The following PRKX variants were observed in gnomAD, a reference collection of about 807,000 sequenced individuals.
PRKX encodes protein kinase cAMP-dependent X-linked catalytic subunit.
In PRKX, 12 loss-of-function variants were observed where a neutral mutation model predicts 22.0. That is an observed-to-expected ratio of 0.54 (90% confidence interval 0.35 to 0.88). PRKX has a LOEUF of 0.88. PRKX is among the 40% of genes least tolerant of loss of function. The pLI is 0.01. For missense variants in PRKX, 217 were observed against 308.0 expected, an observed-to-expected ratio of 0.70 and a Z score of 2.21; for synonymous variants, 134 against 137.7, an observed-to-expected ratio of 0.97 and a Z score of 0.19.
chrX:3,708,288 C>T (rs1014833994), intron 1 of PRKX, among the ~76,000 whole-genome samples: 4 of 111,279 alleles, frequency 3.6e-5, no homozygotes, highest in African/African-American at 1.3e-4. Context: ...CTTGGACCTC[C>T]AGCCTCTGAA....
intron 1 of PRKX, among the ~76,000 whole-genome samples, chrX:3,700,854 C>G (rs1015389822): frequency 1.8e-5 from 2 of 111,649 alleles, no homozygotes; most frequent in Non-Finnish European, 3.8e-5. Flanking sequence ...CCCACCTCAA[C>G]CTCCCAAAGT....
intron 1 of PRKX, among the ~76,000 whole-genome samples, chrX:3,712,526 G>A (rs972365066): frequency 1.8e-5 from 2 of 112,508 alleles, no homozygotes; most frequent in African/African-American, 6.5e-5. Context: ...GGCGGTGTCA[G>A]GACATGTTAG....
At chrX:3,699,831 G>GT (rs762055830) in intron 1 of PRKX, among the ~76,000 whole-genome samples, 1 of 112,401 alleles carries the variant, frequency 8.9e-6, no homozygotes, top group South Asian at 3.6e-4. Context: ...CCCTTTGAAG[G>GT]AAGACAAGCT....
chrX:3,613,881 G>C (rs28615982), intron 7 of PRKX, among the ~76,000 whole-genome samples: 1 of 60,454 alleles, frequency 1.7e-5, no homozygotes, highest in Non-Finnish European at 3.3e-5. Context: ...AAAAAAAAAA[G>C]AAGCGTATCA....
At chrX:3,615,667 T>C in intron 7 of PRKX, 148 bp downstream of exon 7, 3 of 520,724 alleles carry the variant, frequency 5.8e-6, no homozygotes, top group Non-Finnish European at 9.5e-6. Flanking sequence ...AGTGGGGAAC[T>C]TGGCTTATGA....
intron 1 of PRKX, among the ~76,000 whole-genome samples, chrX:3,675,539 T>G (rs950569120): frequency 9.1e-6 from 1 of 110,393 alleles, no homozygotes; most frequent in African/African-American, 3.3e-5. Flanking sequence ...TCCTTTTCTT[T>G]TCCACTTCTT....
At chrX:3,645,603 A>G (rs1181272302) in intron 3 of PRKX, among the ~76,000 whole-genome samples, 1 of 112,410 alleles carries the variant, frequency 8.9e-6, no homozygotes, top group Non-Finnish European at 1.9e-5. Flanking sequence ...ACGACATGGT[A>G]AATGCAATAA....
intron 6 of PRKX, among the ~76,000 whole-genome samples, chrX:3,617,824 A>G (rs1420674449): frequency 9.0e-6 from 1 of 110,688 alleles, no homozygotes; most frequent in Non-Finnish European, 1.9e-5. Flanking sequence ...AGGACAATGC[A>G]TCCCTCCTGT....
At chrX:3,617,838 G>A (rs762131428) in intron 6 of PRKX, among the ~76,000 whole-genome samples, 8 of 110,058 alleles carry the variant, frequency 7.3e-5, no homozygotes, top group Admixed American at 2.0e-4. Context: ...CTCCTGTTAC[G>A]CTGCCAGGCG....
intron 1 of PRKX, among the ~76,000 whole-genome samples, chrX:3,680,453 C>G (rs1331711101): frequency 1.8e-5 from 2 of 111,059 alleles, no homozygotes; most frequent in Non-Finnish European, 1.9e-5. Flanking sequence ...CACATCCCAG[C>G]TTTCTGTCTG....
At chrX:3,640,088 G>C (rs892162645) in intron 4 of PRKX, among the ~76,000 whole-genome samples, 1 of 110,553 alleles carries the variant, frequency 9.0e-6, no homozygotes, top group Non-Finnish European at 1.9e-5. Context: ...GGGAATCAGA[G>C]AGATGTGAGG....
intron 1 of PRKX, among the ~76,000 whole-genome samples, chrX:3,711,150 C>T (rs1192938676): frequency 3.6e-5 from 4 of 111,083 alleles, no homozygotes; most frequent in Non-Finnish European, 5.7e-5. Flanking sequence ...GTGTTCCAGA[C>T]GTGCATGCAA....
chrX:3,626,657 G>GTGCT, intron 4 of PRKX, 143 bp from the exon 5 acceptor site: 1 of 518,048 alleles, frequency 1.9e-6, no homozygotes, highest in Non-Finnish European at 3.3e-6. Flanking sequence ...AAGTTGTCAC[G>GTGCT]ATCTGAAAGC....
intron 5 of PRKX, among the ~76,000 whole-genome samples, 166 bp from the exon 6 acceptor site, chrX:3,621,482 T>A (rs1051462040): frequency 9.8e-5 from 11 of 112,416 alleles, no homozygotes; most frequent in Non-Finnish European, 1.7e-4. Flanking sequence ...CATCACCGGC[T>A]CTTAAATCAC....
chrX:3,633,464 G>A (rs1926828201), intron 4 of PRKX, among the ~76,000 whole-genome samples: 2 of 108,713 alleles, frequency 1.8e-5, no homozygotes, highest in African/African-American at 6.7e-5. Flanking sequence ...CTCAAGAGGC[G>A]GAGGTGGGGG....
rs143870548 is a variant in PRKX at position 3,647,892 on chromosome X, C to T, written c.600-5921G>A. On this transcript the variant is annotated intron_variant, in intron 3 of 8. Coordinates refer to ENST00000262848, the MANE Select transcript of PRKX (RefSeq NM_005044.5). ...GCATCTTCCCCTTCCCTGCACCTCC[C>T]CGGCCCCTGGCACCCACCATTCTAC... Among the ~76,000 whole-genome samples, 681 of 110,301 alleles carry T rather than the reference C, an allele frequency of 6.2e-3. 11 individuals are homozygous for T. Among genetic ancestry groups the T allele is most frequent in the African/African-American group, 0.021 (650 of 30,323 alleles).
chrX:3,713,179 G>C lies in PRKX; in HGVS notation c.75C>G (p.Asp25Glu). The C allele has an allele frequency of 8.9e-7, 1 of 1,119,342 alleles. No individual in the cohort carries two copies. Among genetic ancestry groups the C allele is most frequent in the Non-Finnish European group, 1.2e-6 (1 of 856,962 alleles). The allele number at this position is 1,119,342 out of a possible 1,213,427, so 92.2% of individuals were successfully genotyped here. A position where few individuals can be genotyped will look rare whatever the true frequency, so the allele number is the denominator to read the frequency against. Reference protein sequence around the residue: ...DSRKVAEETPDGAPALCPSPE... With the variant: ...DSRKVAEETPEGAPALCPSPE... ...GGCTGGGGCAGAGCGCGGGCGCCCCGTCGGGGGTCTCCTCCGCCACCTTGC... is the reference window on the plus strand; with the variant it reads ...GGCTGGGGCAGAGCGCGGGCGCCCCCTCGGGGGTCTCCTCCGCCACCTTGC... Residue 25 changes from aspartate to glutamate, a missense_variant, in exon 1 of 9, where the codon GAC becomes GAG. Transcript: ENST00000262848.
At chrX:3,697,945 T>C (rs894989321) in intron 1 of PRKX, among the ~76,000 whole-genome samples, 2 of 111,532 alleles carry the variant, frequency 1.8e-5, no homozygotes, top group East Asian at 2.8e-4. Context: ...AAGGGAACAA[T>C]TGACAAAATC....
At chrX:3,621,631 G>A (rs1440852547) in intron 5 of PRKX, among the ~76,000 whole-genome samples, 3 of 111,762 alleles carry the variant, frequency 2.7e-5, no homozygotes, top group African/African-American at 6.5e-5. Context: ...GACACTTAAC[G>A]TAAACATGCC....
Sources: gnomAD v4.1 joint callset for allele counts (sites outside exome capture counted in the v4.1 genomes callset) on GRCh38, gnomAD v4.1.1 for gene constraint, MANE v1.5 for transcripts, NCBI Gene and HGNC (gene_info 2026-07-23, HGNC 2026-07-21) for gene names.